The following ASTN2 variants were observed in gnomAD, a reference collection of about 807,000 sequenced individuals.
ASTN2 encodes astrotactin 2.
In ASTN2, 54 loss-of-function variants were observed where a neutral mutation model predicts 139.8. That is an observed-to-expected ratio of 0.39 (90% CI 0.31 to 0.48). ASTN2 has a LOEUF of 0.48. Ranked by LOEUF, ASTN2 falls within the 20% of genes least tolerant of loss-of-function variation. ASTN2 has a pLI of 0.95. For synonymous variants in ASTN2, 756 were observed against 719.5 expected, an observed-to-expected ratio of 1.05 and a Z score of -0.81; for missense variants, 1,565 against 1,725.1, an observed-to-expected ratio of 0.91 and a Z score of 1.64.
At chr9:116,834,696 T>C (rs1368458454) in intron 11 of ASTN2, among the ~76,000 whole-genome samples, 5 of 152,230 alleles carry the variant, frequency 3.3e-5, no homozygotes, top group Admixed American at 1.3e-4. Flanking sequence ...AGACAGTATA[T>C]AATTAGGTCA....
intron 20 of ASTN2, among the ~76,000 whole-genome samples, chr9:116,455,338 G>A (rs1164306905): frequency 3.9e-5 from 5 of 127,020 alleles, no homozygotes; most frequent in East Asian, 2.3e-4. Flanking sequence ...GACAGAGTGC[G>A]ATTCTGTCTC....
At chr9:116,643,714 G>A (rs1564177325) in intron 17 of ASTN2, among the ~76,000 whole-genome samples, 1 of 152,026 alleles carries the variant, frequency 6.6e-6, no homozygotes, top group African/African-American at 2.4e-5. Context: ...TGTATCTGAT[G>A]GATATTATTG....
intron 16 of ASTN2, among the ~76,000 whole-genome samples, chr9:116,656,772 C>T (rs537648034): frequency 7.3e-5 from 11 of 151,416 alleles, no homozygotes; most frequent in East Asian, 5.8e-4. Context: ...ATGATGGCAC[C>T]GCTTGCCCTC....
chr9:116,463,012 G>C (rs1848540077), intron 20 of ASTN2, among the ~76,000 whole-genome samples: 1 of 152,008 alleles, frequency 6.6e-6, no homozygotes, highest in South Asian at 2.1e-4. Context: ...AATGGCAGCA[G>C]CATCCATTTA....
chr9:116,987,106 T>C (rs570131757), intron 7 of ASTN2, among the ~76,000 whole-genome samples: 1 of 152,310 alleles, frequency 6.6e-6, no homozygotes, highest in Admixed American at 6.5e-5. Flanking sequence ...CCTGACACTG[T>C]GGATAGTACT....
At chr9:116,495,898 T>C (rs1849653941) in intron 19 of ASTN2, among the ~76,000 whole-genome samples, 1 of 152,092 alleles carries the variant, frequency 6.6e-6, no homozygotes. Context: ...TGGGCTCCTT[T>C]CCTCACTCAC....
chr9:117,402,338 T>C (rs1325325772), intron 1 of ASTN2, among the ~76,000 whole-genome samples: 1 of 152,186 alleles, frequency 6.6e-6, no homozygotes, highest in African/African-American at 2.4e-5. Flanking sequence ...AGAGCTGGGA[T>C]TACAGGCGTG....
chr9:116,651,043 C>T (rs183219223), intron 17 of ASTN2, among the ~76,000 whole-genome samples: 4 of 151,762 alleles, frequency 2.6e-5, no homozygotes, highest in African/African-American at 9.7e-5. Context: ...AGCCTCCCAA[C>T]GTAGCTGCGA....
intron 13 of ASTN2, among the ~76,000 whole-genome samples, chr9:116,742,251 T>TGGAG (rs1348337016): frequency 4.6e-5 from 7 of 152,258 alleles, no homozygotes; most frequent in Non-Finnish European, 1.0e-4. Flanking sequence ...TTCCCTTCTC[T>TGGAG]ATCAAAAGAC....
chr9:117,032,782 A>G (rs1838284022), intron 6 of ASTN2, among the ~76,000 whole-genome samples: 1 of 152,180 alleles, frequency 6.6e-6, no homozygotes, highest in Non-Finnish European at 1.5e-5. Flanking sequence ...TGTGTGGCAT[A>G]TTAGTGAACC....
intron 1 of ASTN2, among the ~76,000 whole-genome samples, chr9:117,374,355 C>T (rs1413827320): frequency 1.5e-4 from 17 of 112,650 alleles, no homozygotes; most frequent in Non-Finnish European, 2.5e-4. Context: ...TATGAGGCTG[C>T]ATAAGGGCAG....
At chr9:117,383,168 T>C (rs1032563884) in intron 1 of ASTN2, among the ~76,000 whole-genome samples, 23 of 152,256 alleles carry the variant, frequency 1.5e-4, no homozygotes, top group Non-Finnish European at 8.8e-5. Flanking sequence ...ATTCTTCTTT[T>C]GATTTTCTTT....
In ASTN2 at chr9:116,504,895, C is replaced by CAAAAAA. The variant is rs386416022; in HGVS notation, c.3356-17401_3356-17396dup. Among the ~76,000 whole-genome samples, 147 of 91,620 alleles carry CAAAAAA rather than the reference C, an allele frequency of 1.6e-3. 3 individuals carry two copies. The highest frequency in any genetic ancestry group is 5.8e-3 in the African/African-American group (131 of 22,772). The allele number at this position is 91,620 out of a possible 152,430, so 60.1% of individuals were successfully genotyped here. ...TGGATGACCAAGTGAAATCCTGTCT[C>CAAAAAA]AAAAAAAAAAAAAAAAAAACCCAAA... On this transcript the variant is annotated intron_variant, in intron 19 of 22. Transcript: ENST00000313400.
At chr9:116,739,378 C>T (rs1829034794) in intron 13 of ASTN2, among the ~76,000 whole-genome samples, 1 of 152,192 alleles carries the variant, frequency 6.6e-6, no homozygotes, top group South Asian at 2.1e-4. Context: ...GCCCCCTGGG[C>T]CACTGTTTTC....
intron 16 of ASTN2, among the ~76,000 whole-genome samples, chr9:116,685,999 C>A (rs1860183575): frequency 6.6e-6 from 1 of 152,052 alleles, no homozygotes; most frequent in African/African-American, 2.4e-5. Flanking sequence ...CAAAGTCTCC[C>A]CAACTGGTCT....
chr9:117,261,621 T>C (rs1198678446), intron 2 of ASTN2, among the ~76,000 whole-genome samples: 2 of 152,168 alleles, frequency 1.3e-5, no homozygotes, highest in Non-Finnish European at 2.9e-5. Context: ...TCTCTTAAAA[T>C]GTCTCCCATG....
intron 1 of ASTN2, among the ~76,000 whole-genome samples, chr9:117,370,937 C>T (rs1314699408): frequency 6.6e-6 from 1 of 152,152 alleles, no homozygotes; most frequent in Non-Finnish European, 1.5e-5. Context: ...AAAACTAAAC[C>T]CAGTTGGATG....
intron 10 of ASTN2, among the ~76,000 whole-genome samples, chr9:116,897,622 T>C (rs1833908899): frequency 6.6e-6 from 1 of 152,156 alleles, no homozygotes; most frequent in Admixed American, 6.6e-5. Flanking sequence ...AAAACTGGCA[T>C]ATTCATATGC....
intron 2 of ASTN2, among the ~76,000 whole-genome samples, chr9:117,280,776 T>C (rs1349278756): frequency 2.6e-5 from 4 of 152,184 alleles, no homozygotes; most frequent in Non-Finnish European, 5.9e-5. Context: ...ATCGGCCAGA[T>C]TTCTCCACTG....
Sources: gnomAD v4.1 joint callset for allele counts (sites outside exome capture counted in the v4.1 genomes callset) on GRCh38, gnomAD v4.1.1 for gene constraint, MANE v1.5 for transcripts, NCBI Gene and HGNC (gene_info 2026-07-23, HGNC 2026-07-21) for gene names.